The following SDK1 variants were observed in gnomAD, a reference collection of about 807,000 sequenced individuals.
SDK1 encodes the protein protein sidekick-1.
In SDK1, 157 loss-of-function variants were observed where a neutral mutation model predicts 245.5. The observed-to-expected ratio is 0.64, with a 90% CI of 0.56 to 0.73. SDK1 has a LOEUF of 0.73. SDK1 is among the 30% of genes least tolerant of loss of function. The pLI, the probability that SDK1 is intolerant of heterozygous loss-of-function variation, is 0.00. For missense variants in SDK1, 3,583 were observed against 3,002.3 expected (o/e 1.19, Z -4.52); for synonymous variants, 1,647 against 1,278.5 (o/e 1.29, Z -6.15).
At chr7:4,131,882 T>G (rs1784847112) in intron 27 of SDK1, among the ~76,000 whole-genome samples, 1 of 151,936 alleles carries the variant, frequency 6.6e-6, no homozygotes, top group Non-Finnish European at 1.5e-5. Context: ...TCCGTTAGAG[T>G]TGGGAGGAAC....
chr7:4,142,486 G>T (rs1288990348), intron 28 of SDK1, among the ~76,000 whole-genome samples: 3 of 151,970 alleles, frequency 2.0e-5, no homozygotes, highest in Admixed American at 6.6e-5. Flanking sequence ...CCGCCATCAC[G>T]CCCGGCTAAT....
At chr7:3,679,304 T>C (rs948671165) in intron 4 of SDK1, among the ~76,000 whole-genome samples, 1 of 151,884 alleles carries the variant, frequency 6.6e-6, no homozygotes, top group Non-Finnish European at 1.5e-5. Context: ...CGGTGGCTCA[T>C]GCCTGTAATC....
chr7:3,517,357 C>G (rs1440784126), intron 1 of SDK1, among the ~76,000 whole-genome samples: 2 of 152,014 alleles, frequency 1.3e-5, no homozygotes, highest in African/African-American at 2.4e-5. Context: ...TGATTTTTGT[C>G]TAGTGTACTT....
intron 1 of SDK1, among the ~76,000 whole-genome samples, chr7:3,534,824 C>T (rs908117191): frequency 5.3e-5 from 8 of 152,182 alleles, no homozygotes; most frequent in South Asian, 4.1e-4. Context: ...AAATAGATGC[C>T]GGCAGTTGTG....
chr7:3,691,558 A>C (rs923421594), intron 4 of SDK1, among the ~76,000 whole-genome samples: 1 of 152,204 alleles, frequency 6.6e-6, no homozygotes, highest in African/African-American at 2.4e-5. Flanking sequence ...TCAAAATACA[A>C]AGTAGAAGAT....
chr7:3,537,043 C>T (rs540235247), intron 1 of SDK1, among the ~76,000 whole-genome samples: 4 of 152,178 alleles, frequency 2.6e-5, no homozygotes, highest in Non-Finnish European at 5.9e-5. Flanking sequence ...ACTATACCCT[C>T]TGAGTCTTTT....
intron 4 of SDK1, among the ~76,000 whole-genome samples, chr7:3,646,764 G>C (rs1042086558): frequency 2.1e-4 from 32 of 152,262 alleles, no homozygotes; most frequent in African/African-American, 7.5e-4. Context: ...TGCATAGAGG[G>C]GTTGAAAAGT....
chr7:3,434,251 T>A (rs879455180), intron 1 of SDK1, among the ~76,000 whole-genome samples: 4 of 152,232 alleles, frequency 2.6e-5, no homozygotes, highest in Non-Finnish European at 4.4e-5. Context: ...AAATCATGTT[T>A]TAAAATTCTT....
chr7:3,778,477 A>G (rs1370638784), intron 4 of SDK1, among the ~76,000 whole-genome samples: 5 of 152,206 alleles, frequency 3.3e-5, no homozygotes, highest in Admixed American at 1.3e-4. Context: ...ATCTTTTTAC[A>G]TCTGGCAAAT....
chr7:3,840,385 C>T (rs1487521115), intron 5 of SDK1, among the ~76,000 whole-genome samples: 1 of 152,158 alleles, frequency 6.6e-6, no homozygotes, highest in Non-Finnish European at 1.5e-5. Flanking sequence ...GCTACATGCC[C>T]ATGAAAATCA....
chr7:4,017,473 C>CA, intron 17 of SDK1, 121 bp downstream of exon 17: 1 of 756,530 alleles, frequency 1.3e-6, no homozygotes, highest in Non-Finnish European at 2.1e-6. Context: ...GGAGCGTTTA[C>CA]AAGAAAATTC....
intron 34 of SDK1, among the ~76,000 whole-genome samples, chr7:4,176,967 G>A (rs1461859511): frequency 6.6e-6 from 1 of 152,226 alleles, no homozygotes; most frequent in Non-Finnish European, 1.5e-5. Context: ...GGCTAGACGT[G>A]GAGCCATAAT....
intron 1 of SDK1, among the ~76,000 whole-genome samples, chr7:3,504,178 A>G (rs950288206): frequency 0.016 from 823 of 52,398 alleles, 10 homozygotes; most frequent in African/African-American, 0.052. Flanking sequence ...TTATATATAT[A>G]TATATGTGTG....
chr7:4,246,371 A>T (rs1410074337), intron 44 of SDK1, among the ~76,000 whole-genome samples: 1 of 152,112 alleles, frequency 6.6e-6, no homozygotes, highest in African/African-American at 2.4e-5. Context: ...AGGGAAGATC[A>T]GTAACTTTCC....
chr7:3,767,609 A>G (rs757501419), intron 4 of SDK1, among the ~76,000 whole-genome samples: 3 of 152,152 alleles, frequency 2.0e-5, no homozygotes, highest in Non-Finnish European at 2.9e-5. Context: ...CCATTCTCCC[A>G]CTAATTTTCA....
chr7:3,841,008 C>G (rs1004379317), intron 5 of SDK1, among the ~76,000 whole-genome samples: 3 of 152,178 alleles, frequency 2.0e-5, no homozygotes, highest in African/African-American at 7.2e-5. Flanking sequence ...CAAGAGGCCC[C>G]ACTTCATGAG....
At chr7:3,490,231 A>G (rs1781827542) in intron 1 of SDK1, among the ~76,000 whole-genome samples, 1 of 152,180 alleles carries the variant, frequency 6.6e-6, no homozygotes, top group African/African-American at 2.4e-5. Context: ...TGAATGATGG[A>G]TTATTAAGTT....
In SDK1 at chr7:3,482,078, G is replaced by T. The variant is rs958615102; in HGVS notation, c.299-137002G>T. 2.0e-5 allele frequency among the ~76,000 whole-genome samples: 3 copies of T among 152,082 alleles called. No individual in the cohort carries two copies. The South Asian group carries it at 6.2e-4, about 32-fold the overall frequency. ...AAAAGGCAAGCCATGCAAAAGTAAA[G>T]TTCAGGGACATATCCTACCAGACAT... On this transcript the variant is annotated intron_variant, in intron 1 of 44. Transcript: ENST00000404826.
rs149753010 is a variant in SDK1 at position 4,129,937 on chromosome 7, C to T, written c.3969C>T (p.Pro1323=). Residue 1323 remains proline (P), a synonymous_variant, in exon 27 of 45, where the codon CCC becomes CCT. Coordinates refer to ENST00000404826, the MANE Select transcript of SDK1 (RefSeq NM_152744.4). ...KILFRAKDLD[P]EPRSHIVRGN... Reference sequence around the variant, plus strand: ...TGTTCCGGGCCAAAGACCTGGATCCCGAGCCCAGGAGCCACATCGTGCGAG... The same window carrying T: ...TGTTCCGGGCCAAAGACCTGGATCCTGAGCCCAGGAGCCACATCGTGCGAG... The T allele has an allele frequency of 1.4e-4, 233 of 1,613,702 alleles. 2 individuals are homozygous for T. The African/African-American group carries it at 2.7e-3, about 19-fold the overall frequency.
Sources: gnomAD v4.1 joint callset for allele counts (sites outside exome capture counted in the v4.1 genomes callset) on GRCh38, gnomAD v4.1.1 for gene constraint, MANE v1.5 for transcripts, NCBI Gene and HGNC (gene_info 2026-07-23, HGNC 2026-07-21) for gene names.